The following PTPRN2 variants were observed in gnomAD, a reference collection of about 807,000 sequenced individuals.
The protein encoded by PTPRN2 is protein tyrosine phosphatase receptor type N2.
PTPRN2 carries 74 observed loss-of-function variants against 118.8 expected under a neutral mutation model. The observed-to-expected ratio is 0.62, with a 90% CI of 0.52 to 0.76. PTPRN2 has a LOEUF of 0.76. Among genes scored for constraint, PTPRN2 ranks in the 30% least tolerant of loss-of-function variants. The pLI is 0.00. For synonymous variants in PTPRN2, 641 were observed against 608.0 expected (o/e 1.05, Z -0.80); for missense variants, 1,481 against 1,394.4 (o/e 1.06, Z -0.99).
At chr7:158,324,774 G>A (rs142689321) in intron 2 of PTPRN2, among the ~76,000 whole-genome samples, 13 of 152,226 alleles carry the variant, frequency 8.5e-5, no homozygotes, top group African/African-American at 3.1e-4. Flanking sequence ...GACACCCATA[G>A]CACTGACCCA....
At chr7:157,973,480 A>G (rs1411467761) in intron 11 of PTPRN2, among the ~76,000 whole-genome samples, 1 of 152,234 alleles carries the variant, frequency 6.6e-6, no homozygotes, top group Non-Finnish European at 1.5e-5. Context: ...TCCAATATTT[A>G]TATACACCAT....
intron 12 of PTPRN2, among the ~76,000 whole-genome samples, chr7:157,807,667 C>T (rs113073823): frequency 3.9e-4 from 60 of 152,364 alleles, no homozygotes; most frequent in African/African-American, 1.3e-3. Context: ...AAATCCTTCA[C>T]ATCCTGGAGC....
intron 3 of PTPRN2, among the ~76,000 whole-genome samples, chr7:158,238,472 G>GC (rs1795694017): frequency 6.6e-6 from 1 of 152,128 alleles, no homozygotes; most frequent in Non-Finnish European, 1.5e-5. Context: ...CCTTTCTTCC[G>GC]CCCTCAGCCA....
intron 1 of PTPRN2, among the ~76,000 whole-genome samples, chr7:158,545,603 A>C (rs1318362534): frequency 1.3e-5 from 2 of 152,120 alleles, no homozygotes; most frequent in Admixed American, 6.6e-5. Flanking sequence ...GCTGAGGGCC[A>C]CTAGTCTTGT....
chr7:158,333,766 C>G (rs1265928399), intron 2 of PTPRN2, among the ~76,000 whole-genome samples: 107 of 148,152 alleles, frequency 7.2e-4, no homozygotes, highest in Non-Finnish European at 2.2e-4. Flanking sequence ...CTGACACCCG[C>G]AGACATCACT....
rs1401730028 is a variant in PTPRN2, at chr7:157,596,440, G to A, written c.2419-1125C>T. Among the ~76,000 whole-genome samples, 1 of 152,238 alleles carries A rather than the reference G, an allele frequency of 6.6e-6. No homozygotes were observed. Among genetic ancestry groups the A allele is most frequent in the East Asian group, 1.9e-4 (1 of 5,206 alleles). On this transcript the variant is annotated intron_variant, in intron 16 of 22. Coordinates refer to ENST00000389418, the MANE Select transcript of PTPRN2 (RefSeq NM_002847.5). The surrounding 1 kb of genome is among the most constrained non-coding windows in gnomAD (Gnocchi z 4.2). ...ATCTTGCTAGCTCCAATGGGAGAAG[G>A]TTGGCTTAGAAGACCATAATTATTA...
chr7:157,549,304 T>C (rs1798475802), intron 21 of PTPRN2, among the ~76,000 whole-genome samples: 1 of 146,112 alleles, frequency 6.8e-6, no homozygotes, highest in Non-Finnish European at 1.5e-5. Flanking sequence ...GCTGTACTGG[T>C]TTTCTTTTCT....
chr7:157,837,347 T>G, intron 12 of PTPRN2, among the ~76,000 whole-genome samples: 1 of 147,186 alleles, frequency 6.8e-6, no homozygotes, highest in Non-Finnish European at 1.5e-5. Context: ...ACCCAGAGAA[T>G]TGCTCGCTTG....
intron 1 of PTPRN2, among the ~76,000 whole-genome samples, chr7:158,491,115 C>A (rs1821412203): frequency 6.6e-6 from 1 of 152,220 alleles, no homozygotes; most frequent in Non-Finnish European, 1.5e-5. Flanking sequence ...CCCTTGGTTG[C>A]CTTAAACCAG....
intron 13 of PTPRN2, among the ~76,000 whole-genome samples, chr7:157,678,693 G>A (rs970173022): frequency 2.6e-5 from 4 of 152,168 alleles, no homozygotes; most frequent in African/African-American, 9.7e-5. Context: ...CCGGATGCAT[G>A]CTTTCCTCTG....
At chr7:158,172,104 A>G (rs1451881203) in intron 5 of PTPRN2, among the ~76,000 whole-genome samples, 24 of 152,170 alleles carry the variant, frequency 1.6e-4, no homozygotes, top group Non-Finnish European at 3.4e-4. Context: ...GCATTTCCAT[A>G]TGACGAGAAG....
In PTPRN2 at chr7:157,656,423, G is replaced by A. The variant is rs375160644; in HGVS notation, c.2130C>T (p.Ser710=). 24 of 1,553,236 alleles carry A rather than the reference G, an allele frequency of 1.5e-5. No individual in the cohort carries two copies. Among genetic ancestry groups the A allele is most frequent in the South Asian group, 3.6e-5 (3 of 84,252 alleles). The change falls in exon 14 of 23, where the codon AGC becomes AGT. Residue 710 remains serine (S), a synonymous_variant. Transcript: ENST00000389418. Reference sequence around the variant, plus strand: ...CAGGCTCCTCGGACCAGGATGAGGCGCTGCTGCGTGCGGAGGGGCTGGGGA... The same window carrying A: ...CAGGCTCCTCGGACCAGGATGAGGCACTGCTGCGTGCGGAGGGGCTGGGGA... ...GPIPSPSARS[S]ASSWSEEPVQ... is the part of the protein sequence containing the mutation.
chr7:158,225,543 G>A (rs534016824), intron 3 of PTPRN2, among the ~76,000 whole-genome samples: 3 of 152,292 alleles, frequency 2.0e-5, no homozygotes, highest in East Asian at 1.9e-4. Context: ...AGGCACATAC[G>A]GTTTGAGGGC....
At chr7:158,385,953 G>C (rs1811308595) in intron 2 of PTPRN2, among the ~76,000 whole-genome samples, 1 of 146,196 alleles carries the variant, frequency 6.8e-6, no homozygotes, top group Non-Finnish European at 1.5e-5. Flanking sequence ...TGTGCTCTGA[G>C]TCCCTATTTC....
intron 22 of PTPRN2, among the ~76,000 whole-genome samples, chr7:157,543,932 A>C (rs1798132163): frequency 6.6e-6 from 1 of 152,210 alleles, no homozygotes; most frequent in South Asian, 2.1e-4. Context: ...ACCAGGGCGG[A>C]GGGACAGAGA....
intron 3 of PTPRN2, among the ~76,000 whole-genome samples, chr7:158,272,058 T>G (rs1798549204): frequency 6.6e-6 from 1 of 152,234 alleles, no homozygotes; most frequent in African/African-American, 2.4e-5. Context: ...GTCAGGTTGT[T>G]CCCTCCTCAT....
intron 2 of PTPRN2, among the ~76,000 whole-genome samples, chr7:158,413,506 C>T (rs1423454913): frequency 6.6e-6 from 1 of 152,258 alleles, no homozygotes; most frequent in African/African-American, 2.4e-5. Flanking sequence ...CACTCTGGGC[C>T]TGTGACTAAC....
rs185349419 is a variant in PTPRN2 at position 158,033,502 on chromosome 7, G to A, written c.1723+47796C>T. Among the ~76,000 whole-genome samples, 36 of 152,252 alleles carry A rather than the reference G, an allele frequency of 2.4e-4. 1 individual carries two copies. The East Asian group carries it at 6.8e-3, about 29-fold the overall frequency. ...ATGCAAATGAGGTGACAGGACGGGGGCTGTCCACACCAAAAAGACCAACAA... is the reference window on the plus strand; with the variant it reads ...ATGCAAATGAGGTGACAGGACGGGGACTGTCCACACCAAAAAGACCAACAA... On this transcript the variant is annotated intron_variant, in intron 11 of 22. Coordinates refer to ENST00000389418, the MANE Select transcript of PTPRN2 (RefSeq NM_002847.5).
At chr7:157,623,514 C>T (rs1046869943) in intron 14 of PTPRN2, among the ~76,000 whole-genome samples, 2 of 152,158 alleles carry the variant, frequency 1.3e-5, no homozygotes, top group African/African-American at 4.8e-5. Flanking sequence ...TTAATCCAAT[C>T]GAAAATATTA....
Sources: gnomAD v4.1 joint callset for allele counts (sites outside exome capture counted in the v4.1 genomes callset) on GRCh38, gnomAD v4.1.1 for gene constraint, Gnocchi (gnomAD v3.1) non-coding constraint, MANE v1.5 for transcripts, NCBI Gene and HGNC (gene_info 2026-07-23, HGNC 2026-07-21) for gene names.